The following ZNF695 variants were observed in gnomAD, a reference collection of about 807,000 sequenced individuals.
The protein encoded by ZNF695 is zinc finger protein 695.
Under a neutral mutation model 11.2 loss-of-function variants are expected in ZNF695, and 11 were observed. The observed-to-expected ratio is 0.98, with a 90% CI of 0.62 to 1.62. The LOEUF (loss-of-function observed/expected upper bound fraction) is 1.62, where lower values mean the gene tolerates loss of function less well. Among genes scored for constraint, ZNF695 ranks in the 40% most tolerant of loss-of-function variants. The pLI, the probability that ZNF695 is intolerant of heterozygous loss-of-function variation, is 0.00. For synonymous variants in ZNF695, 190 were observed against 201.4 expected, an observed-to-expected ratio of 0.94 and a Z score of 0.48; for missense variants, 559 against 590.5, an observed-to-expected ratio of 0.95 and a Z score of 0.55.
chr1:246,986,560 T>C lies in ZNF695; in HGVS notation c.*407A>G. On this transcript the variant is annotated 3_prime_UTR_variant, in exon 4 of 4. Transcript: ENST00000339986. ...GATGTAATTTTTGATTAGACATTTTTTCACATTTACTGCATCTGTAAAACA... is the reference window on the plus strand; with the variant it reads ...GATGTAATTTTTGATTAGACATTTTCTCACATTTACTGCATCTGTAAAACA... 1 of 993,752 alleles carries C rather than the reference T, an allele frequency of 1.0e-6. No individual in the cohort carries two copies. The highest frequency in any genetic ancestry group is 1.1e-4 in the East Asian group (1 of 9,056). 61.6% of individuals were successfully genotyped at this position (993,752 alleles called of 1,614,324 possible). A position where few individuals can be genotyped will look rare whatever the true frequency, so the allele number is the denominator to read the frequency against.
chr1:247,002,739 T>C (rs1669423195), intron 1 of ZNF695, among the ~76,000 whole-genome samples: 1 of 151,542 alleles, frequency 6.6e-6, no homozygotes, highest in Admixed American at 6.6e-5. Flanking sequence ...GCTGAGATCG[T>C]GTCACTGCAC....
chr1:246,972,778 A>C (rs1452716005), intron 4 of ZNF695, among the ~76,000 whole-genome samples: 1 of 151,950 alleles, frequency 6.6e-6, no homozygotes, highest in Non-Finnish European at 1.5e-5. Context: ...TTGGCCTCCC[A>C]AAGTGCTGGG....
At chr1:246,994,114 C>T (rs1327682807) in intron 3 of ZNF695, among the ~76,000 whole-genome samples, 2 of 151,840 alleles carry the variant, frequency 1.3e-5, no homozygotes, top group Non-Finnish European at 2.9e-5. Flanking sequence ...GGCGGAGGAA[C>T]AAAAGCGTAA....
At chr1:247,004,525 G>A (rs1669482072) in intron 1 of ZNF695, among the ~76,000 whole-genome samples, 1 of 152,094 alleles carries the variant, frequency 6.6e-6, no homozygotes, top group Middle Eastern at 3.2e-3. Flanking sequence ...CTAAGATGTG[G>A]AACAAGAAAA....
intron 5 of ZNF695, among the ~76,000 whole-genome samples, chr1:246,949,024 G>A (rs1667807304): frequency 6.6e-6 from 1 of 152,170 alleles, no homozygotes; most frequent in Non-Finnish European, 1.5e-5. Flanking sequence ...CAACAGCATT[G>A]AGGATGCTTT....
chr1:246,961,309 C>G (rs985044777), intron 5 of ZNF695, among the ~76,000 whole-genome samples: 3 of 152,172 alleles, frequency 2.0e-5, no homozygotes, highest in Non-Finnish European at 4.4e-5. Flanking sequence ...TTTATTTGTT[C>G]ATGTGACAAT....
chr1:246,948,512 T>C (rs1222884719), intron 5 of ZNF695, among the ~76,000 whole-genome samples: 1 of 152,120 alleles, frequency 6.6e-6, no homozygotes, highest in African/African-American at 2.4e-5. Context: ...CTTGGCTGAC[T>C]TTTTTTCCAA....
intron 4 of ZNF695, among the ~76,000 whole-genome samples, chr1:246,976,122 C>A (rs1321273502): frequency 6.6e-6 from 1 of 152,088 alleles, no homozygotes; most frequent in Admixed American, 6.6e-5. Flanking sequence ...GGGACAAGAA[C>A]TTTATTGGTT....
intron 5 of ZNF695, among the ~76,000 whole-genome samples, chr1:246,954,117 A>G (rs773691166): frequency 2.2e-4 from 34 of 152,300 alleles, no homozygotes; most frequent in Non-Finnish European, 4.0e-4. Context: ...GTTTCTGAGC[A>G]CAGGGACACT....
chr1:246,977,719 G>A (rs116760931), intron 4 of ZNF695, among the ~76,000 whole-genome samples: 2,131 of 152,212 alleles, frequency 0.014, 47 homozygotes, highest in African/African-American at 0.048. Context: ...ATTAGTTTGC[G>A]TTCAGCTACA....
intron 4 of ZNF695, among the ~76,000 whole-genome samples, chr1:246,974,828 C>A (rs1442098897): frequency 6.6e-6 from 1 of 152,280 alleles, no homozygotes; most frequent in East Asian, 1.9e-4. Context: ...ACTCCTCTCA[C>A]CACCTCTCCT....
chr1:246,974,096 C>G (rs1458521117), intron 4 of ZNF695, among the ~76,000 whole-genome samples: 1 of 151,286 alleles, frequency 6.6e-6, no homozygotes, highest in African/African-American at 2.4e-5. Flanking sequence ...ATGAAATTTT[C>G]CAGGCCATCC....
At chr1:246,958,230 T>C (rs1390477111) in intron 5 of ZNF695, among the ~76,000 whole-genome samples, 3 of 152,002 alleles carry the variant, frequency 2.0e-5, no homozygotes, top group Non-Finnish European at 4.4e-5. Context: ...GGCTAATTTT[T>C]TGTATTTTTA....
chr1:246,956,342 G>A (rs1668000979), intron 5 of ZNF695, among the ~76,000 whole-genome samples: 1 of 151,656 alleles, frequency 6.6e-6, no homozygotes, highest in South Asian at 2.1e-4. Context: ...GGGGCCGGGC[G>A]CGGTGGCTCA....
chr1:247,005,884 C>G (rs1218254366), intron 1 of ZNF695, among the ~76,000 whole-genome samples: 1 of 152,190 alleles, frequency 6.6e-6, no homozygotes, highest in African/African-American at 2.4e-5. Context: ...TTATTCTCTG[C>G]TTTCTTCTCA....
At chr1:246,982,224 C>G (rs561853755), downstream of ZNF695, among the ~76,000 whole-genome samples, 1 of 145,908 alleles carries the variant, frequency 6.9e-6, no homozygotes, top group East Asian at 2.1e-4. Flanking sequence ...GAGCCGAGAT[C>G]GCGCCATTGC....
At chr1:246,975,584 C>G (rs192544562) in intron 4 of ZNF695, among the ~76,000 whole-genome samples, 3 of 152,118 alleles carry the variant, frequency 2.0e-5, no homozygotes, top group Non-Finnish European at 4.4e-5. Flanking sequence ...TAAAATGAAA[C>G]AAGAACAGTT....
At position 247,000,026 on chromosome 1, in the gene ZNF695, A is replaced by G; in HGVS notation, c.52T>C (p.Trp18Arg). ...DVALEFSPEE[W>R]ECLDPAQRSL... Reference sequence around the variant, plus strand: ...CGCTGAGCTGGGTCCAGGCATTCCCACTCCTCTGGAGAGAATTCTAGAGCC... The same window carrying G: ...CGCTGAGCTGGGTCCAGGCATTCCCGCTCCTCTGGAGAGAATTCTAGAGCC... The change falls in exon 2 of 4, where the codon TGG becomes CGG. Residue 18 changes from tryptophan (W) to arginine (R), a missense_variant. By Grantham distance (101) the Trp-to-Arg change is moderately radical (BLOSUM62 -3). Transcript: ENST00000339986. 1.2e-6 allele frequency: 2 copies of G among 1,613,650 alleles called. No homozygotes were observed. Among genetic ancestry groups the G allele is most frequent in the Non-Finnish European group, 1.7e-6 (2 of 1,179,924 alleles).
At chr1:246,949,947 C>T (rs1667832520) in intron 5 of ZNF695, among the ~76,000 whole-genome samples, 2 of 152,176 alleles carry the variant, frequency 1.3e-5, no homozygotes, top group African/African-American at 4.8e-5. Flanking sequence ...TTCAGATTTA[C>T]GGCTTAAGTA....
Sources: gnomAD v4.1 joint callset for allele counts (sites outside exome capture counted in the v4.1 genomes callset) on GRCh38, gnomAD v4.1.1 for gene constraint, MANE v1.5 for transcripts, NCBI Gene and HGNC (gene_info 2026-07-23, HGNC 2026-07-21) for gene names.